COX5A: variants seen among roughly 807,000 people sequenced by gnomAD.
COX5A encodes the protein cytochrome c oxidase subunit 5A, mitochondrial.
Under a neutral mutation model 16.1 loss-of-function variants are expected in COX5A, and 6 were observed. The ratio of observed to expected loss-of-function variants is 0.37; its 90% CI spans 0.20 to 0.73. COX5A has a LOEUF of 0.73. COX5A is among the 30% of genes least tolerant of loss of function. The probability of loss-of-function intolerance (pLI) is 0.50; values close to 1 mark genes in which losing one functional copy is unlikely to be tolerated. For missense variants in COX5A, 159 were observed against 194.9 expected (o/e 0.82, Z 1.10); for synonymous variants, 73 against 73.8 (o/e 0.99, Z 0.06).
intron 1 of COX5A, among the ~76,000 whole-genome samples, chr15:74,936,666 G>A (rs1221900277): frequency 3.9e-5 from 5 of 127,856 alleles, no homozygotes; most frequent in African/African-American, 9.3e-5. Flanking sequence ...TCGCTCTGTC[G>A]GCCAGGCTGG....
intron 1 of COX5A, 195 bp downstream of exon 1, chr15:74,937,720 G>T: frequency 5.4e-6 from 2 of 373,126 alleles, no homozygotes; most frequent in East Asian, 3.8e-5. Flanking sequence ...GAAGTTGCGC[G>T]GGGGGAGGCC....
chr15:74,930,471 C>CA (rs137868871), intron 1 of COX5A, among the ~76,000 whole-genome samples: 92,873 of 137,324 alleles, frequency 0.68, 31,314 homozygotes, highest in East Asian at 0.82. Context: ...AAAAAAGCAA[C>CA]AAAAAAAAAA....
intron 1 of COX5A, among the ~76,000 whole-genome samples, chr15:74,931,504 GA>G (rs763141850): frequency 6.7e-6 from 1 of 149,178 alleles, no homozygotes; most frequent in East Asian, 2.0e-4. Flanking sequence ...CTGTCTCAAA[GA>G]AAAAAAGAAA....
intron 4 of COX5A, among the ~76,000 whole-genome samples, chr15:74,923,175 C>T (rs2065329407): frequency 1.3e-5 from 2 of 151,920 alleles, no homozygotes; most frequent in African/African-American, 4.8e-5. Flanking sequence ...CCTGTAATCC[C>T]AGCACTTTGG....
intron 1 of COX5A, among the ~76,000 whole-genome samples, chr15:74,936,622 C>CTTTTTTTTTTT: frequency 8.9e-6 from 1 of 112,426 alleles, no homozygotes; most frequent in Non-Finnish European, 1.7e-5. Context: ...AAAACATATT[C>CTTTTTTTTTTT]TTTTTTTTTT....
chr15:74,920,339 A>G lies in COX5A; in HGVS notation c.*113T>C. ...TTACCATTACATGGCTTGGTACTCA[A>G]TAAAGGAAAACTTGTTCAAATAAGG... On this transcript the variant is annotated 3_prime_UTR_variant, in exon 5 of 5. Transcript: ENST00000322347. The G allele has an allele frequency of 1.5e-6, 1 of 685,752 alleles. No homozygotes were observed. The highest frequency in any genetic ancestry group is 2.6e-6 in the Non-Finnish European group (1 of 380,050). 42.5% of individuals were successfully genotyped at this position (685,752 alleles called of 1,614,324 possible). A position where few individuals can be genotyped will look rare whatever the true frequency, so the allele number is the denominator to read the frequency against.
intron 1 of COX5A, among the ~76,000 whole-genome samples, chr15:74,936,055 C>T (rs1461729385): frequency 6.6e-6 from 1 of 152,018 alleles, no homozygotes; most frequent in African/African-American, 2.4e-5. Flanking sequence ...CTTTGGGAGG[C>T]TGAGGCAGAC....
intron 2 of COX5A, 23 bp downstream of exon 2, chr15:74,929,093 A>G (rs1566979806): frequency 4.0e-6 from 6 of 1,505,942 alleles, no homozygotes; most frequent in Non-Finnish European, 5.5e-6. Flanking sequence ...CAAAATAGAC[A>G]AATATGTTTA....
At position 74,923,783 on chromosome 15, in the gene COX5A, A is replaced by G; in HGVS notation, c.340-13T>C. ...GTCCTGCTTTGTCCTGATGGCAAAG[A>G]GAATATTCACATTTAACTCTCTCAA... On this transcript the variant is annotated splice_polypyrimidine_tract_variant and intron_variant, in intron 3 of 4. Transcript: ENST00000322347. 1 of 1,459,600 alleles carries G rather than the reference A, an allele frequency of 6.9e-7. No individual in the cohort carries two copies. 90.4% of individuals were successfully genotyped at this position (1,459,600 alleles called of 1,614,324 possible). A position where few individuals can be genotyped will look rare whatever the true frequency, so the allele number is the denominator to read the frequency against.
At chr15:74,930,703 CTTCA>C (rs2065363041) in intron 1 of COX5A, among the ~76,000 whole-genome samples, 1 of 144,968 alleles carries the variant, frequency 6.9e-6, no homozygotes, top group Non-Finnish European at 1.5e-5. Context: ...AACTTATATA[CTTCA>C]TTCACACATT....
chr15:74,936,695 C>T (rs567546008), intron 1 of COX5A, among the ~76,000 whole-genome samples: 2 of 127,004 alleles, frequency 1.6e-5, no homozygotes, highest in Non-Finnish European at 3.1e-5. Flanking sequence ...GGCGCGATTT[C>T]GGCTCACTGC....
intron 3 of COX5A, among the ~76,000 whole-genome samples, chr15:74,924,165 A>G (rs2065333380): frequency 1.3e-5 from 2 of 152,112 alleles, no homozygotes; most frequent in Non-Finnish European, 2.9e-5. Flanking sequence ...TGGGTGACAG[A>G]ACAAGATTCT....
intron 3 of COX5A, among the ~76,000 whole-genome samples, chr15:74,924,525 A>AAT (rs2065335360): frequency 1.3e-5 from 2 of 151,564 alleles, no homozygotes; most frequent in African/African-American, 2.4e-5. Context: ...TGTCTCAAAA[A>AAT]AATAATAATA....
intron 1 of COX5A, among the ~76,000 whole-genome samples, chr15:74,929,834 C>G (rs1322260512): frequency 3.9e-5 from 6 of 151,950 alleles, no homozygotes; most frequent in Admixed American, 2.6e-4. Context: ...AATCCCAGCA[C>G]TTTGGGAGGC....
intron 2 of COX5A, among the ~76,000 whole-genome samples, chr15:74,927,303 A>G (rs776838978): frequency 1.3e-4 from 20 of 151,982 alleles, no homozygotes; most frequent in Non-Finnish European, 2.4e-4. Context: ...CAGCCTACCA[A>G]GTAGCTGGGA....
At chr15:74,920,471 A>C (rs2065315001) in intron 4 of COX5A, 29 bp from the exon 5 acceptor site, 1 of 676,058 alleles carries the variant, frequency 1.5e-6, no homozygotes, top group Admixed American at 2.5e-5. Flanking sequence ...AGAATTAGCC[A>C]GGAAAGAATA....
At chr15:74,932,469 T>TA (rs2065371849) in intron 1 of COX5A, among the ~76,000 whole-genome samples, 4 of 151,618 alleles carry the variant, frequency 2.6e-5, no homozygotes, top group Admixed American at 6.6e-5. Context: ...ATATATATAT[T>TA]TTTAAAAACT....
intron 1 of COX5A, among the ~76,000 whole-genome samples, chr15:74,930,099 A>AAC (rs904581557): frequency 7.1e-6 from 1 of 140,558 alleles, no homozygotes; most frequent in Admixed American, 7.3e-5. Flanking sequence ...CAAACAAACA[A>AAC]AAACAAAAAC....
At chr15:74,937,879 C>A in intron 1 of COX5A, 36 bp downstream of exon 1, 1 of 1,193,226 alleles carries the variant, frequency 8.4e-7, no homozygotes, top group Admixed American at 4.2e-5. Context: ...ACCGCAAGGA[C>A]ACGAGGGCGC....
Sources: gnomAD v4.1 joint callset for allele counts (sites outside exome capture counted in the v4.1 genomes callset) on GRCh38, gnomAD v4.1.1 for gene constraint, MANE v1.5 for transcripts, NCBI Gene and HGNC (gene_info 2026-07-23, HGNC 2026-07-21) for gene names.